Variants in CFAP47 observed in about 807,000 individuals in gnomAD.
CFAP47 encodes the protein cilia and flagella associated protein 47, also known as cilia- and flagella-associated protein 47.
Under a neutral mutation model 148.1 loss-of-function variants are expected in CFAP47, and 29 were observed. The observed-to-expected ratio is 0.20, with a 90% CI of 0.15 to 0.27. The LOEUF (loss-of-function observed/expected upper bound fraction) is 0.27. Ranked by LOEUF, CFAP47 falls within the 10% of genes least tolerant of loss-of-function variation. The pLI is 1.00. For missense variants in CFAP47, 1,872 were observed against 1,697.5 expected, an observed-to-expected ratio of 1.10 and a Z score of -1.81; for synonymous variants, 664 against 577.3, an observed-to-expected ratio of 1.15 and a Z score of -2.15.
rs183343259 is a variant in CFAP47, at chrX:36,301,237, C to G, written c.7970+58C>G. On this transcript the variant is annotated intron_variant, in intron 53 of 63. Transcript: ENST00000378653. Reference sequence around the variant, plus strand: ...TGCAAGAAAAATAGTTAATCTATTACAATGTTGTTATAATGCATTCAGTTT... The same window carrying G: ...TGCAAGAAAAATAGTTAATCTATTAGAATGTTGTTATAATGCATTCAGTTT... 5.4e-5 allele frequency: 35 copies of G among 642,929 alleles called. No individual in the cohort carries two copies. The African/African-American group carries it at 7.3e-4, about 13-fold the overall frequency. The allele number at this position is 642,929 out of a possible 1,213,427, so 53.0% of individuals were successfully genotyped here. A position where few individuals can be genotyped will look rare whatever the true frequency, so the allele number is the denominator to read the frequency against.
At chrX:36,049,417 C>CAT (rs1361138630) in intron 26 of CFAP47, among the ~76,000 whole-genome samples, 1 of 108,451 alleles carries the variant, frequency 9.2e-6, no homozygotes, top group East Asian at 2.9e-4. Context: ...TACTATATGT[C>CAT]ATATATAGAT....
In CFAP47 at chrX:35,932,416, C is replaced by T. The variant is rs572242958; in HGVS notation, c.401+6248C>T. ...CTGGGATTACAAGCACCCGCCACCA[C>T]GCACTTTTAATTTTTTGTAGAGGTG... On this transcript the variant is annotated intron_variant, in intron 2 of 63. Transcript: ENST00000378653. Among the ~76,000 whole-genome samples the T allele has an allele frequency of 5.6e-4, 59 of 105,985 alleles. No homozygotes were observed. In the South Asian group the frequency reaches 0.024, roughly 42 times the overall value. The allele number at this position is 105,985 out of a possible 115,157, so 92.0% of individuals were successfully genotyped here.
intron 44 of CFAP47, among the ~76,000 whole-genome samples, chrX:36,204,654 A>G (rs1180075246): frequency 1.8e-5 from 2 of 111,621 alleles, no homozygotes; most frequent in Non-Finnish European, 3.8e-5. Flanking sequence ...TAAAGGAGAA[A>G]AGCACTTTCT....
intron 15 of CFAP47, among the ~76,000 whole-genome samples, chrX:35,978,827 G>C (rs902029686): frequency 9.0e-6 from 1 of 111,362 alleles, no homozygotes; most frequent in African/African-American, 3.3e-5. Flanking sequence ...TTAATCATAT[G>C]CCTCTCTCTA....
chrX:36,047,084 T>C, intron 26 of CFAP47, 21 bp downstream of exon 26: 2 of 974,437 alleles, frequency 2.1e-6, no homozygotes, highest in Non-Finnish European at 2.8e-6. Flanking sequence ...TAAATGTACA[T>C]TATTTTGTAT....
At chrX:36,195,728 A>G (rs1357568586) in intron 42 of CFAP47, among the ~76,000 whole-genome samples, 1 of 111,429 alleles carries the variant, frequency 9.0e-6, no homozygotes, top group Non-Finnish European at 1.9e-5. Flanking sequence ...TTATATTGCT[A>G]TAAAGATCAA....
chrX:36,159,442 A>G lies in CFAP47; in HGVS notation c.5803A>G (p.Thr1935Ala), dbSNP rs1939404737. ...TISPRNEINV[T>A]LKFTSRFIRP... ...ACTAAATAGAAATGAAATTAATGTCACTCTGAAATTCACCAGTCGCTTTAT... is the reference window on the plus strand; with the variant it reads ...ACTAAATAGAAATGAAATTAATGTCGCTCTGAAATTCACCAGTCGCTTTAT... The change falls in exon 38 of 64, where the codon ACT becomes GCT. Residue 1935 changes from threonine (T) to alanine (A), a missense_variant. Transcript: ENST00000378653. The G allele has an allele frequency of 3.4e-6, 1 of 295,431 alleles. No individual in the cohort carries two copies. The highest frequency in any genetic ancestry group is 5.9e-6 in the Non-Finnish European group (1 of 169,812). The allele number at this position is 295,431 out of a possible 1,213,427, so 24.3% of individuals were successfully genotyped here.
chrX:35,940,801 C>A (rs1027792526), intron 2 of CFAP47, among the ~76,000 whole-genome samples: 7 of 111,169 alleles, frequency 6.3e-5, no homozygotes, highest in African/African-American at 2.3e-4. Context: ...ATGTATGTAA[C>A]CTTATATGGT....
At chrX:36,172,018 C>T (rs1355348729) in intron 39 of CFAP47, among the ~76,000 whole-genome samples, 1 of 110,025 alleles carries the variant, frequency 9.1e-6, no homozygotes, top group African/African-American at 3.3e-5. Flanking sequence ...CTTCACATCC[C>T]TTGTAAGTTG....
chrX:36,136,679 A>C (rs1405730146), intron 33 of CFAP47, among the ~76,000 whole-genome samples: 1 of 110,962 alleles, frequency 9.0e-6, no homozygotes, highest in Admixed American at 9.6e-5. Flanking sequence ...TACACAAGGT[A>C]TACTTATATC....
intron 49 of CFAP47, among the ~76,000 whole-genome samples, chrX:36,272,935 A>G (rs1436154203): frequency 9.0e-6 from 1 of 110,554 alleles, no homozygotes; most frequent in Non-Finnish European, 1.9e-5. Flanking sequence ...ATAATTTCTC[A>G]TATTATATGC....
Position 36,253,416 on chromosome X carries a change from T to C in CFAP47, c.7444+1972T>C, listed in dbSNP as rs188793887. Among the ~76,000 whole-genome samples the C allele has an allele frequency of 5.1e-3, 570 of 111,368 alleles. 1 individual carries two copies. The highest frequency in any genetic ancestry group is 0.018 in the African/African-American group (546 of 30,697). ...ACTATTGGAAGACTTAAACTATAGA[T>C]TAAACAGTATAAATACAATTGCTTC... On this transcript the variant is annotated intron_variant, in intron 49 of 63. Coordinates refer to ENST00000378653, the MANE Select transcript of CFAP47 (RefSeq NM_001304548.2).
chrX:36,050,697 C>A (rs745969057), intron 26 of CFAP47, among the ~76,000 whole-genome samples: 1 of 112,330 alleles, frequency 8.9e-6, no homozygotes, highest in Non-Finnish European at 1.9e-5. Flanking sequence ...CAGCATAAAT[C>A]TGCATAACTA....
intron 8 of CFAP47, among the ~76,000 whole-genome samples, chrX:35,962,591 A>G (rs958007145): frequency 9.1e-6 from 1 of 110,380 alleles, no homozygotes; most frequent in Non-Finnish European, 1.9e-5. Context: ...ATCAATATCT[A>G]TTTTGTCTTA....
intron 62 of CFAP47, among the ~76,000 whole-genome samples, chrX:36,371,758 ATGTGTGTATATACACACATG>A (rs1212668132): frequency 4.0e-5 from 2 of 50,211 alleles, no homozygotes; most frequent in Non-Finnish European, 6.3e-5. Flanking sequence ...ATATACACAC[ATGTGTGTATATACACACATG>A]TGTATATATG....
At chrX:36,007,942 C>A (rs1006309154) in intron 21 of CFAP47, among the ~76,000 whole-genome samples, 8 of 111,332 alleles carry the variant, frequency 7.2e-5, no homozygotes, top group Admixed American at 4.8e-4. Flanking sequence ...TACCAACAGT[C>A]ATTATCATTG....
intron 57 of CFAP47, among the ~76,000 whole-genome samples, chrX:36,322,655 C>A (rs1556012219): frequency 9.0e-6 from 1 of 110,820 alleles, no homozygotes; most frequent in Non-Finnish European, 1.9e-5. Context: ...ATTATAATTT[C>A]TATTTTTCTT....
At chrX:36,361,293 A>G (rs1180373017) in intron 60 of CFAP47, 37 bp from the exon 61 acceptor site, 1 of 833,943 alleles carries the variant, frequency 1.2e-6, no homozygotes, top group Non-Finnish European at 1.7e-6. Context: ...TGCATATTTA[A>G]TTAAATTGAA....
intron 15 of CFAP47, among the ~76,000 whole-genome samples, chrX:35,982,844 T>G (rs1224160325): frequency 8.9e-6 from 1 of 111,858 alleles, no homozygotes; most frequent in Non-Finnish European, 1.9e-5. Context: ...AGTACCAAGC[T>G]GTCTTCATTA....
Sources: gnomAD v4.1 joint callset for allele counts (sites outside exome capture counted in the v4.1 genomes callset) on GRCh38, gnomAD v4.1.1 for gene constraint, MANE v1.5 for transcripts, NCBI Gene and HGNC (gene_info 2026-07-23, HGNC 2026-07-21) for gene names.